The following DHX16 variants were observed in gnomAD, a reference collection of about 807,000 sequenced individuals.
The protein encoded by DHX16 is pre-mRNA-splicing factor ATP-dependent RNA helicase DHX16.
A neutral mutation model predicts 131.2 loss-of-function variants in DHX16; 81 were observed. The observed-to-expected ratio is 0.62, with a 90% confidence interval of 0.52 to 0.74. The LOEUF (loss-of-function observed/expected upper bound fraction) is 0.74, where lower values mean the gene tolerates loss of function less well. Ranked by LOEUF, DHX16 falls within the 30% of genes least tolerant of loss-of-function variation. The pLI is 0.00. For synonymous variants in DHX16, 440 were observed against 520.2 expected, an observed-to-expected ratio of 0.85 and a Z score of 2.10; for missense variants, 980 against 1,363.1, an observed-to-expected ratio of 0.72 and a Z score of 4.43.
At position 30,664,445 on chromosome 6, in the gene DHX16, C is replaced by A. The variant is rs11755462; in HGVS notation, c.1317+356G>T. Among the ~76,000 whole-genome samples the A allele has an allele frequency of 9.4e-3, 1,408 of 149,360 alleles. 23 individuals carry two copies. Among genetic ancestry groups the A allele is most frequent in the African/African-American group, 0.033 (1,311 of 40,076 alleles). On this transcript the variant is annotated intron_variant, in intron 7 of 19. Transcript: ENST00000376442. ...TAAGCCAAGATCGCACCACTGCACT[C>A]CAGCCTGGGTGACAGAGCAAGACTC...
In DHX16 at chr6:30,659,775, G is replaced by A; in HGVS notation, c.1815C>T (p.Thr605=). The A allele has an allele frequency of 6.2e-7, 1 of 1,614,090 alleles. No individual in the cohort carries two copies. Among genetic ancestry groups the A allele is most frequent in the Non-Finnish European group, 8.5e-7 (1 of 1,180,024 alleles). ...CVVSVLQIHV[T]QPPGDILVFL... is the part of the protein sequence containing the mutation. ...ACACCAGGATATCCCCAGGGGGCTG[G>A]GTCACATGGATCTGCAACACAGATA... The change falls in exon 11 of 20, where the codon ACC becomes ACT. Residue 605 remains threonine (T), a synonymous_variant. Transcript: ENST00000376442.
chr6:30,657,110 G>C lies in DHX16; in HGVS notation c.2008-18C>G. The C allele has an allele frequency of 1.3e-6, 2 of 1,600,004 alleles. No individual in the cohort carries two copies. The highest frequency in any genetic ancestry group is 8.5e-7 in the Non-Finnish European group (1 of 1,173,684). On this transcript the variant is annotated intron_variant, in intron 12 of 19. Transcript: ENST00000376442. ...ACAACCACCTGAGTGATAGGATATGGGGTCACCCAGTGACCCCACCTACCT... is the reference window on the plus strand; with the variant it reads ...ACAACCACCTGAGTGATAGGATATGCGGTCACCCAGTGACCCCACCTACCT...
intron 9 of DHX16, among the ~76,000 whole-genome samples, chr6:30,660,881 AAAAAAAG>A (rs1473471514): frequency 6.6e-6 from 1 of 151,644 alleles, no homozygotes. Context: ...GACTCCATCT[AAAAAAAG>A]AAAAAAGAAA....
Position 30,670,999 on chromosome 6 carries a change from G to T in DHX16, c.446+37C>A. On this transcript the variant is annotated intron_variant, in intron 2 of 19. Coordinates refer to ENST00000376442, the MANE Select transcript of DHX16 (RefSeq NM_003587.5). The surrounding 1 kb of genome is among the most constrained non-coding windows in gnomAD (Gnocchi z 4.4). ...AAATAAGGGCATAGAGAACACTTCAGCCTGCCCCATCCTCTCTCACCCTGC... is the reference window on the plus strand; with the variant it reads ...AAATAAGGGCATAGAGAACACTTCATCCTGCCCCATCCTCTCTCACCCTGC... 6.2e-7 allele frequency: 1 copy of T among 1,612,892 alleles called. No individual in the cohort carries two copies.
intron 9 of DHX16, 85 bp from the exon 10 acceptor site, chr6:30,660,327 T>A: frequency 8.9e-7 from 1 of 1,122,868 alleles, no homozygotes; most frequent in Non-Finnish European, 1.2e-6. Flanking sequence ...GAGAGGGGAG[T>A]AATGGACACA....
chr6:30,661,902 A>G (rs1160934599), intron 9 of DHX16: 2 of 717,472 alleles, frequency 2.8e-6, no homozygotes, highest in African/African-American at 1.7e-5. Flanking sequence ...ATAAAATCCT[A>G]TCTGTCCAAT....
chr6:30,661,672 C>A, intron 9 of DHX16: 1 of 699,344 alleles, frequency 1.4e-6, no homozygotes, highest in African/African-American at 1.8e-5. Context: ...TGTTCTTTGG[C>A]TTTTCTGGGT....
Position 30,665,606 on chromosome 6 carries a change from T to A in DHX16, c.794A>T (p.His265Leu), listed in dbSNP as rs1198429345. 6.2e-7 allele frequency: 1 copy of A among 1,613,008 alleles called. No individual in the cohort carries two copies. The highest frequency in any genetic ancestry group is 2.2e-5 in the East Asian group (1 of 44,888). The change falls in exon 5 of 20, where the codon CAC becomes CTC. Residue 265 changes from histidine to leucine, a missense_variant. His to Leu is a moderately conservative substitution (Grantham distance 99). Transcript: ENST00000376442. The surrounding 1 kb of genome is among the most constrained non-coding windows in gnomAD (Gnocchi z 4.8). The stretch of plus-strand genomic sequence containing the variant: ...CTTATATTTGAGCTCCTGCCGCTCG[T>A]GCCGGCTCAGCTCCACGTCCCCAAA... The part of the protein sequence containing the change: ...FLFGDVELSR[H>L]ERQELKYKRR...
chr6:30,668,554 G>C (rs1424326572), intron 4 of DHX16, among the ~76,000 whole-genome samples: 1 of 152,116 alleles, frequency 6.6e-6, no homozygotes, highest in African/African-American at 2.4e-5. Context: ...GGGAGGTTGA[G>C]GCAGGAGAAT....
At chr6:30,659,378 C>T (rs544687663) in intron 12 of DHX16, 94 bp downstream of exon 12, 50 of 1,342,322 alleles carry the variant, frequency 3.7e-5, no homozygotes, top group South Asian at 1.6e-4. Context: ...TGCAGCAGTG[C>T]GCAGGACTCA....
chr6:30,655,029 G>T, intron 18 of DHX16, 146 bp downstream of exon 18: 1 of 1,393,562 alleles, frequency 7.2e-7, no homozygotes, highest in East Asian at 2.3e-5. Flanking sequence ...CAGTGGTCTG[G>T]GGAAGAAAGG....
chr6:30,670,358 A>G lies in DHX16; in HGVS notation c.666+52T>C. On this transcript the variant is annotated intron_variant, in intron 4 of 19. Transcript: ENST00000376442. This position sits in a 1 kb window ranked among gnomAD's most constrained non-coding sequence, Gnocchi z 4.4. ...CCTCTCTCCCTATACACTCTATCAG[A>G]AAGTCTTTCCTTTTGTCTTCTGATC... The G allele has an allele frequency of 6.5e-7, 1 of 1,547,350 alleles. No individual in the cohort carries two copies. Among genetic ancestry groups the G allele is most frequent in the South Asian group, 1.2e-5 (1 of 86,720 alleles).
Position 30,665,384 on chromosome 6 carries a change from G to C in DHX16, c.921+95C>G, listed in dbSNP as rs1768943490. 4 of 1,582,270 alleles carry C rather than the reference G, an allele frequency of 2.5e-6. No individual in the cohort carries two copies. ...CTGCCCATTGGGAACGGCAAGGCAA[G>C]AAAGGGGATGACCCACGTGTTGCCC... On this transcript the variant is annotated intron_variant, in intron 5 of 19. Transcript: ENST00000376442. This position sits in a 1 kb window ranked among gnomAD's most constrained non-coding sequence, Gnocchi z 4.8.
Position 30,662,774 on chromosome 6 carries a change from G to T in DHX16, c.1429-32C>A. ...AAGGGAACCATTAGCAACCAAGTGT[G>T]GGCTGGTGTGCCCTGAAAGGAACTT... is the stretch of plus-strand genomic sequence containing the variant. On this transcript the variant is annotated intron_variant, in intron 8 of 19. Coordinates refer to ENST00000376442, the MANE Select transcript of DHX16 (RefSeq NM_003587.5). This position sits in a 1 kb window ranked among gnomAD's most constrained non-coding sequence, Gnocchi z 4.7. 3.7e-6 allele frequency: 6 copies of T among 1,600,234 alleles called. No individual in the cohort carries two copies. Among genetic ancestry groups the T allele is most frequent in the Non-Finnish European group, 5.1e-6 (6 of 1,169,480 alleles).
intron 12 of DHX16, 114 bp from the exon 13 acceptor site, chr6:30,657,206 G>A: frequency 1.8e-6 from 2 of 1,103,286 alleles, no homozygotes; most frequent in Admixed American, 2.5e-5. Flanking sequence ...CAGGAGCTGA[G>A]GGAATTAGTA....
At position 30,662,994 on chromosome 6, in the gene DHX16, C is replaced by T. The variant is rs762729737; in HGVS notation, c.1345G>A (p.Ala449Thr). The T allele has an allele frequency of 1.2e-6, 2 of 1,613,368 alleles. No homozygotes were observed. The highest frequency in any genetic ancestry group is 2.7e-5 in the African/African-American group (2 of 74,902). The stretch of plus-strand genomic sequence containing the variant: ...GCCACTCTCCGGGGTTGGGTGCAGG[C>T]AATCTTCATACCCTTGTTTGTATAA... Reference protein sequence around the residue: ...EGYTNKGMKIACTQPRRVAAM... With the variant: ...EGYTNKGMKITCTQPRRVAAM... The change falls in exon 8 of 20, where the codon GCC becomes ACC. Residue 449 changes from alanine to threonine, a missense_variant. Physicochemically the swap from Ala to Thr is moderately conservative, Grantham distance 58. Coordinates refer to ENST00000376442, the MANE Select transcript of DHX16 (RefSeq NM_003587.5). This position sits in a 1 kb window ranked among gnomAD's most constrained non-coding sequence, Gnocchi z 4.7.
Position 30,660,239 on chromosome 6 carries a change from C to T in DHX16, c.1548G>A (p.Val516=). ...TTTCGTGTGCCTCATCCACCATCAC[C>T]ACGCTGGGGAGGGAATAGGAGAGCA... ...LSEPDLASYS[V]VMVDEAHERT... is the part of the protein sequence containing the mutation. Residue 516 remains valine, a synonymous_variant, in exon 10 of 20, where the codon GTG becomes GTA. Transcript: ENST00000376442. 1 of 1,527,098 alleles carries T rather than the reference C, an allele frequency of 6.5e-7. No individual in the cohort carries two copies. Among genetic ancestry groups the T allele is most frequent in the Non-Finnish European group, 8.8e-7 (1 of 1,136,844 alleles). 94.6% of individuals were successfully genotyped at this position (1,527,098 alleles called of 1,614,324 possible).
chr6:30,655,391 AG>A, intron 17 of DHX16, 43 bp downstream of exon 17: 1 of 1,613,942 alleles, frequency 6.2e-7, no homozygotes, highest in Non-Finnish European at 8.5e-7. Flanking sequence ...GCAGGACTAA[AG>A]TCCCCCAGTG....
At position 30,656,144 on chromosome 6, in the gene DHX16, G is replaced by A; in HGVS notation, c.2498+54C>T. Reference sequence around the variant, plus strand: ...ACAGACAAAGGGGACCCTGGAGACAGAGGAGGCCTGGCCTGTTTGTGTGCT... The same window carrying A: ...ACAGACAAAGGGGACCCTGGAGACAAAGGAGGCCTGGCCTGTTTGTGTGCT... On this transcript the variant is annotated intron_variant, in intron 16 of 19. Coordinates refer to ENST00000376442, the MANE Select transcript of DHX16 (RefSeq NM_003587.5). The surrounding 1 kb of genome is among the most constrained non-coding windows in gnomAD (Gnocchi z 5.1). 1.3e-6 allele frequency: 2 copies of A among 1,548,482 alleles called. No homozygotes were observed. The highest frequency in any genetic ancestry group is 2.2e-5 in the East Asian group (1 of 44,588).
Sources: gnomAD v4.1 joint callset for allele counts (sites outside exome capture counted in the v4.1 genomes callset) on GRCh38, gnomAD v4.1.1 for gene constraint, Gnocchi (gnomAD v3.1) non-coding constraint, MANE v1.5 for transcripts, NCBI Gene and HGNC (gene_info 2026-07-23, HGNC 2026-07-21) for gene names.